PASD1: variants seen among roughly 807,000 people sequenced by gnomAD.
The protein encoded by PASD1 is PAS domain containing repressor 1.
PASD1 carries 13 observed loss-of-function variants against 58.8 expected under a neutral mutation model. That is an observed-to-expected ratio of 0.22 (90% CI 0.14 to 0.35). PASD1 has a LOEUF of 0.35. Ranked by LOEUF, PASD1 falls within the 10% of genes least tolerant of loss-of-function variation. PASD1 has a pLI of 1.00. For synonymous variants in PASD1, 236 were observed against 216.7 expected (o/e 1.09, Z -0.78); for missense variants, 734 against 568.3 (o/e 1.29, Z -2.96).
intron 3 of PASD1, among the ~76,000 whole-genome samples, chrX:151,605,887 T>A (rs906956262): frequency 1.2e-4 from 13 of 112,192 alleles, no homozygotes; most frequent in African/African-American, 3.9e-4. Flanking sequence ...CACCTGACTC[T>A]CTCTCAATTT....
chrX:151,675,898 G>A (rs2014537253), intron 15 of PASD1, 99 bp from the exon 16 acceptor site: 1 of 907,750 alleles, frequency 1.1e-6, no homozygotes, highest in Non-Finnish European at 1.6e-6. Flanking sequence ...GTATTTCTCA[G>A]CAGCTTGTGT....
At chrX:151,563,990 T>C (rs1014388679) in intron 1 of PASD1, among the ~76,000 whole-genome samples, 151 bp downstream of exon 1, 8 of 112,307 alleles carry the variant, frequency 7.1e-5, no homozygotes, top group Non-Finnish European at 1.5e-4. Flanking sequence ...CTGGTCATCC[T>C]GGGAAGGTTG....
At chrX:151,675,230 G>A (rs1376722436) in intron 15 of PASD1, among the ~76,000 whole-genome samples, 3 of 111,956 alleles carry the variant, frequency 2.7e-5, no homozygotes, top group Middle Eastern at 4.6e-3. Context: ...GGACCAAGTC[G>A]GAGCTTTCCT....
At position 151,653,868 on chromosome X, in the gene PASD1, C is replaced by CTCCTTCTTTCTT. The variant is rs1556202852; in HGVS notation, c.717+5168_717+5169insCTTCTTTCTTTC. The stretch of plus-strand genomic sequence containing the variant: ...CTTCCCTCCCTCCCTCCCTCCCTCC[C>CTCCTTCTTTCTT]TCTTTCTTTCTTTCTTTCTTTCTTT... On this transcript the variant is annotated intron_variant, in intron 9 of 15. Transcript: ENST00000370357. Among the ~76,000 whole-genome samples the CTCCTTCTTTCTT allele has an allele frequency of 3.6e-4, 6 of 16,462 alleles. 1 individual carries two copies. Among genetic ancestry groups the CTCCTTCTTTCTT allele is most frequent in the African/African-American group, 6.5e-4 (3 of 4,581 alleles). 14.3% of individuals were successfully genotyped at this position (16,462 alleles called of 115,157 possible).
At chrX:151,585,171 C>T (rs1385358560) in intron 1 of PASD1, among the ~76,000 whole-genome samples, 1 of 111,617 alleles carries the variant, frequency 9.0e-6, no homozygotes, top group Non-Finnish European at 1.9e-5. Flanking sequence ...GAAACAGTGG[C>T]ATAGGTATAT....
At chrX:151,634,864 T>A (rs763535729) in intron 8 of PASD1, among the ~76,000 whole-genome samples, 168 of 111,917 alleles carry the variant, frequency 1.5e-3, no homozygotes, top group South Asian at 0.014. Context: ...AAATTTTAAG[T>A]AACTTATGGG....
At chrX:151,567,916 G>A (rs1317288070) in intron 1 of PASD1, among the ~76,000 whole-genome samples, 9 of 111,231 alleles carry the variant, frequency 8.1e-5, no homozygotes, top group Non-Finnish European at 1.9e-5. Flanking sequence ...GAGATTGTAG[G>A]GTTTTGCTAT....
intron 9 of PASD1, 152 bp downstream of exon 9, chrX:151,648,854 A>G (rs2014096012): frequency 3.3e-6 from 2 of 604,481 alleles, no homozygotes; most frequent in Non-Finnish European, 5.0e-6. Flanking sequence ...ATTTCTTATT[A>G]GGAGCCAGTA....
At chrX:151,654,615 G>C (rs1034650409) in intron 9 of PASD1, among the ~76,000 whole-genome samples, 2 of 112,268 alleles carry the variant, frequency 1.8e-5, no homozygotes, top group Non-Finnish European at 3.8e-5. Context: ...AACAATGTCA[G>C]CTACTGCTGA....
At chrX:151,566,669 A>G (rs945551451) in intron 1 of PASD1, among the ~76,000 whole-genome samples, 1 of 112,127 alleles carries the variant, frequency 8.9e-6, no homozygotes, top group African/African-American at 3.2e-5. Context: ...GAATACATGT[A>G]ATTTGCATTA....
intron 11 of PASD1, among the ~76,000 whole-genome samples, chrX:151,665,761 G>A (rs1316046121): frequency 9.0e-6 from 1 of 110,592 alleles, no homozygotes; most frequent in Non-Finnish European, 1.9e-5. Flanking sequence ...CCTTTTCCAG[G>A]AAAAGCAAAG....
rs779776269 is a variant in PASD1, at chrX:151,671,783, T to C, written c.1437+4T>C. 32 of 1,195,015 alleles carry C rather than the reference T, an allele frequency of 2.7e-5. No individual in the cohort carries two copies. Among genetic ancestry groups the C allele is most frequent in the Non-Finnish European group, 3.3e-5 (29 of 881,462 alleles). On this transcript the variant is annotated splice_donor_region_variant and intron_variant, in intron 13 of 15. Coordinates refer to ENST00000370357, the MANE Select transcript of PASD1 (RefSeq NM_173493.3). ...GCCTTGTGTTGCCTTCAACCAGGTA[T>C]GGAAAGGCTGTTTTAACTGTGTATC...
intron 1 of PASD1, among the ~76,000 whole-genome samples, chrX:151,594,313 A>G (rs1453728195): frequency 8.9e-6 from 1 of 111,810 alleles, no homozygotes; most frequent in Non-Finnish European, 1.9e-5. Context: ...ATTTAAGTCT[A>G]CCATCTTACT....
chrX:151,666,454 T>C (rs1309300165), intron 11 of PASD1, among the ~76,000 whole-genome samples: 2 of 109,457 alleles, frequency 1.8e-5, no homozygotes, highest in Admixed American at 9.8e-5. Flanking sequence ...TTCATACGTA[T>C]ACATGTACCA....
At chrX:151,578,968 C>T (rs1259121264) in intron 1 of PASD1, among the ~76,000 whole-genome samples, 1 of 111,829 alleles carries the variant, frequency 8.9e-6, no homozygotes, top group Non-Finnish European at 1.9e-5. Context: ...AAGTCACAGA[C>T]CAAATCCCAT....
chrX:151,592,821 T>C (rs1569401041), intron 1 of PASD1, among the ~76,000 whole-genome samples: 1 of 111,964 alleles, frequency 8.9e-6, no homozygotes. Context: ...CAGTGGAAGA[T>C]AATGTACGTT....
rs1161992531 is a variant in PASD1, at chrX:151,618,064, GA to G, written c.208-2859del. Among the ~76,000 whole-genome samples, 4 of 111,815 alleles carry G rather than the reference GA, an allele frequency of 3.6e-5. No individual in the cohort carries two copies. In the East Asian group the frequency reaches 8.4e-4, roughly 24 times the overall value. ...TTTTTATTGAAAAGTTAAATTTAGT[GA>G]AAAAAATCTACATTTCTTTTGGGAA... On this transcript the variant is annotated intron_variant, in intron 4 of 15. Transcript: ENST00000370357.
rs763957565 is a variant in PASD1 at position 151,666,295 on chromosome X, T to C, written c.1071+1947T>C. ...TTGTTCCCAGGCCCGACTTCCAGCCTTGAAAGATAATTATTTTCCAAGAAT... is the reference window on the plus strand; with the variant it reads ...TTGTTCCCAGGCCCGACTTCCAGCCCTGAAAGATAATTATTTTCCAAGAAT... On this transcript the variant is annotated intron_variant, in intron 11 of 15. Coordinates refer to ENST00000370357, the MANE Select transcript of PASD1 (RefSeq NM_173493.3). Among the ~76,000 whole-genome samples the C allele has an allele frequency of 1.5e-4, 17 of 110,807 alleles. No homozygotes were observed. In the South Asian group the frequency reaches 1.6e-3, roughly 10 times the overall value.
In PASD1 at chrX:151,676,312, C is replaced by T; in HGVS notation, c.*169C>T. 2.0e-6 allele frequency: 1 copy of T among 503,200 alleles called. No homozygotes were observed. Among genetic ancestry groups the T allele is most frequent in the Non-Finnish European group, 3.1e-6 (1 of 327,767 alleles). 41.5% of individuals were successfully genotyped at this position (503,200 alleles called of 1,213,427 possible). A position where few individuals can be genotyped will look rare whatever the true frequency, so the allele number is the denominator to read the frequency against. The stretch of plus-strand genomic sequence containing the variant: ...TATGTTTGTAATTGTTTGTTAAGCA[C>T]AGCCTGTTTCTTGGAAGTTATGCTG... On this transcript the variant is annotated 3_prime_UTR_variant, in exon 16 of 16. Transcript: ENST00000370357.
Sources: gnomAD v4.1 joint callset for allele counts (sites outside exome capture counted in the v4.1 genomes callset) on GRCh38, gnomAD v4.1.1 for gene constraint, MANE v1.5 for transcripts, NCBI Gene and HGNC (gene_info 2026-07-23, HGNC 2026-07-21) for gene names.